Variants in CNMD observed in about 807,000 individuals in gnomAD.
The protein encoded by CNMD is chondromodulin.
Under a neutral mutation model 37.5 loss-of-function variants are expected in CNMD, and 30 were observed. The observed-to-expected ratio is 0.80, with a 90% CI of 0.60 to 1.09. The LOEUF (loss-of-function observed/expected upper bound fraction) is 1.09, where lower values mean the gene tolerates loss of function less well. Ranked by LOEUF, CNMD falls within the 50% of genes least tolerant of loss-of-function variation. CNMD has a pLI of 0.00. For missense variants in CNMD, 398 were observed against 423.9 expected (o/e 0.94, Z 0.54); for synonymous variants, 167 against 148.2 (o/e 1.13, Z -0.92).
At chr13:52,706,600 A>G (rs1165309918) in intron 6 of CNMD, among the ~76,000 whole-genome samples, 2 of 152,228 alleles carry the variant, frequency 1.3e-5, no homozygotes, top group Non-Finnish European at 2.9e-5. Flanking sequence ...CTGTACATTT[A>G]TGTATACAAT....
At chr13:52,728,687 A>T (rs576038473) in intron 3 of CNMD, among the ~76,000 whole-genome samples, 38 of 152,284 alleles carry the variant, frequency 2.5e-4, no homozygotes, top group Non-Finnish European at 4.6e-4. Context: ...CATCCCCTGA[A>T]TGTGAGATGT....
rs537073101 is a variant in CNMD at position 52,708,628 on chromosome 13, G to A, written c.697C>T (p.Arg233Trp). ...TTTKRPHSGP[R>W]SNPGAGRLNN... is the part of the protein sequence containing the mutation. Reference sequence around the variant, plus strand: ...AGTCTTCCAGCGCCTGGGTTGCTCCGTGGTCCACTGTGTGGTCTTTTTGTG... The same window carrying A: ...AGTCTTCCAGCGCCTGGGTTGCTCCATGGTCCACTGTGTGGTCTTTTTGTG... Residue 233 changes from arginine to tryptophan, a missense_variant, in exon 6 of 7, where the codon CGG (arginine) becomes TGG (tryptophan). Arg to Trp is a moderately radical substitution (Grantham distance 101). Coordinates refer to ENST00000377962, the MANE Select transcript of CNMD (RefSeq NM_007015.3). 5.4e-5 allele frequency: 87 copies of A among 1,613,914 alleles called. 3 individuals carry two copies. The South Asian group carries it at 5.9e-4, about 11-fold the overall frequency.
chr13:52,731,863 G>T (rs1594289377), intron 3 of CNMD, among the ~76,000 whole-genome samples: 1 of 152,278 alleles, frequency 6.6e-6, no homozygotes, highest in East Asian at 1.9e-4. Context: ...ATTTTACCCT[G>T]TCCTGGGTCT....
chr13:52,738,398 T>A (rs1021925688), intron 2 of CNMD, among the ~76,000 whole-genome samples: 5 of 152,216 alleles, frequency 3.3e-5, no homozygotes, highest in African/African-American at 9.6e-5. Context: ...GTAAAACACC[T>A]ACTATTAAAC....
chr13:52,718,657 T>G (rs1471795309), intron 4 of CNMD, among the ~76,000 whole-genome samples: 1 of 152,204 alleles, frequency 6.6e-6, no homozygotes, highest in Non-Finnish European at 1.5e-5. Flanking sequence ...CAGTTTTGAG[T>G]GAGTTTCTTA....
intron 4 of CNMD, among the ~76,000 whole-genome samples, chr13:52,720,585 T>C (rs926106474): frequency 2.0e-5 from 3 of 152,210 alleles, no homozygotes; most frequent in African/African-American, 7.2e-5. Flanking sequence ...TGCTGGAGTT[T>C]GCTGAGGTCC....
At chr13:52,718,723 T>C (rs1161950301) in intron 4 of CNMD, among the ~76,000 whole-genome samples, 1 of 152,202 alleles carries the variant, frequency 6.6e-6, no homozygotes, top group Non-Finnish European at 1.5e-5. Context: ...TGATTTCCAT[T>C]CTTTTGCATT....
chr13:52,730,649 C>T (rs1042090645), intron 3 of CNMD, among the ~76,000 whole-genome samples: 19 of 152,194 alleles, frequency 1.2e-4, no homozygotes, highest in Middle Eastern at 3.4e-3. Context: ...TCATATCCTT[C>T]GCCCACTTTT....
At chr13:52,715,583 G>A (rs1345677596) in intron 4 of CNMD, among the ~76,000 whole-genome samples, 1 of 152,076 alleles carries the variant, frequency 6.6e-6, no homozygotes, top group Non-Finnish European at 1.5e-5. Flanking sequence ...GCTCCTACTT[G>A]TGAGTGAGAA....
At chr13:52,716,107 G>T (rs1297592255) in intron 4 of CNMD, among the ~76,000 whole-genome samples, 1 of 152,180 alleles carries the variant, frequency 6.6e-6, no homozygotes, top group Non-Finnish European at 1.5e-5. Flanking sequence ...GACCAGTGAT[G>T]ATCAACTTTT....
rs1342941285 is a variant in CNMD at position 52,703,454 on chromosome 13, C to A, written c.*141G>T. The A allele has an allele frequency of 1.7e-5, 10 of 587,874 alleles. No individual in the cohort carries two copies. The highest frequency in any genetic ancestry group is 6.0e-5 in the Admixed American group (2 of 33,440). The allele number at this position is 587,874 out of a possible 1,614,324, so 36.4% of individuals were successfully genotyped here. ...GTTCTGGAAAACAATTGAAAAAATTCTGTTAAGAGTGTCAAGAATAACCGC... is the reference window on the plus strand; with the variant it reads ...GTTCTGGAAAACAATTGAAAAAATTATGTTAAGAGTGTCAAGAATAACCGC... On this transcript the variant is annotated 3_prime_UTR_variant, in exon 7 of 7. Coordinates refer to ENST00000377962, the MANE Select transcript of CNMD (RefSeq NM_007015.3).
At chr13:52,714,281 C>T (rs1964334935) in intron 4 of CNMD, among the ~76,000 whole-genome samples, 1 of 152,184 alleles carries the variant, frequency 6.6e-6, no homozygotes, top group African/African-American at 2.4e-5. Flanking sequence ...CCAATGCCTG[C>T]AGCCACCTGC....
chr13:52,735,101 G>A (rs182044404), intron 2 of CNMD, among the ~76,000 whole-genome samples: 12 of 152,258 alleles, frequency 7.9e-5, no homozygotes, highest in African/African-American at 2.9e-4. Context: ...CCACTCCTGG[G>A]GGTTCTGATT....
intron 4 of CNMD, among the ~76,000 whole-genome samples, 187 bp from the exon 5 acceptor site, chr13:52,713,056 C>A (rs1258335561): frequency 6.6e-6 from 1 of 152,158 alleles, no homozygotes; most frequent in South Asian, 2.1e-4. Context: ...CAATATTCAG[C>A]ACGCCTCCTC....
At chr13:52,716,596 A>T (rs1964386803) in intron 4 of CNMD, among the ~76,000 whole-genome samples, 1 of 152,182 alleles carries the variant, frequency 6.6e-6, no homozygotes, top group Non-Finnish European at 1.5e-5. Flanking sequence ...ACCATTTATT[A>T]AATAGGGAAT....
chr13:52,736,791 A>G (rs778362911), intron 2 of CNMD, among the ~76,000 whole-genome samples: 1 of 152,204 alleles, frequency 6.6e-6, no homozygotes, highest in Non-Finnish European at 1.5e-5. Context: ...TAGAAAAATT[A>G]GTCTGAGAGG....
intron 2 of CNMD, among the ~76,000 whole-genome samples, chr13:52,736,989 C>T (rs1030682412): frequency 1.3e-5 from 2 of 152,140 alleles, no homozygotes; most frequent in African/African-American, 4.8e-5. Flanking sequence ...GCTTCATAGT[C>T]CTCCAGCTAA....
At chr13:52,737,213 G>A (rs1964784589) in intron 2 of CNMD, among the ~76,000 whole-genome samples, 1 of 152,138 alleles carries the variant, frequency 6.6e-6, no homozygotes, top group Admixed American at 6.5e-5. Flanking sequence ...TTTGTATTCA[G>A]GCAAAGCAGA....
At chr13:52,704,043 G>C (rs1964136328) in intron 6 of CNMD, among the ~76,000 whole-genome samples, 2 of 152,158 alleles carry the variant, frequency 1.3e-5, no homozygotes. Flanking sequence ...CTAGAAAGTT[G>C]TTTTGTCTTT....
Sources: allele counts gnomAD v4.1 joint callset (sites outside exome capture counted in the v4.1 genomes callset), GRCh38; gene constraint gnomAD v4.1.1; transcripts MANE v1.5; gene names NCBI Gene and HGNC (gene_info 2026-07-23, HGNC 2026-07-21).